GOLGA7B: variants seen among roughly 807,000 people sequenced by gnomAD.
GOLGA7B encodes golgin A7 family member B, also known as golgin subfamily A member 7B.
GOLGA7B carries 17 observed loss-of-function variants against 21.5 expected under a neutral mutation model. That is an observed-to-expected ratio of 0.79 (90% CI 0.54 to 1.19). The LOEUF is 1.19. Ranked by LOEUF, GOLGA7B falls within the 50% of genes most tolerant of loss-of-function variation. The pLI is 0.00. For synonymous variants in GOLGA7B, 87 were observed against 84.0 expected, an observed-to-expected ratio of 1.04 and a Z score of -0.19; for missense variants, 169 against 224.4, an observed-to-expected ratio of 0.75 and a Z score of 1.58.
rs556487533 is a variant in GOLGA7B at position 97,859,345 on chromosome 10, G to A, written c.13-113G>A. The A allele has an allele frequency of 4.3e-5, 46 of 1,074,692 alleles. 2 individuals carry two copies. The South Asian group carries it at 6.8e-4, about 16-fold the overall frequency. The allele number at this position is 1,074,692 out of a possible 1,614,324, so 66.6% of individuals were successfully genotyped here. ...GTGCCCAGCTTGTCTCTGCATGCTG[G>A]GAACTTTCCTGGTGTTAGTGCTGGA... On this transcript the variant is annotated intron_variant, in intron 1 of 4. Transcript: ENST00000370602.
intron 2 of GOLGA7B, among the ~76,000 whole-genome samples, chr10:97,860,253 G>A (rs536611001): frequency 3.3e-5 from 5 of 152,122 alleles, no homozygotes; most frequent in East Asian, 1.9e-4. Flanking sequence ...CCATTACTTC[G>A]GACATTTATC....
At chr10:97,863,297 A>G (rs1295912599) in intron 2 of GOLGA7B, among the ~76,000 whole-genome samples, 1 of 152,184 alleles carries the variant, frequency 6.6e-6, no homozygotes, top group Non-Finnish European at 1.5e-5. Flanking sequence ...GAAAGAGTGC[A>G]TTTCCTGGCA....
At chr10:97,859,001 T>C (rs1361763934) in intron 1 of GOLGA7B, among the ~76,000 whole-genome samples, 1 of 152,246 alleles carries the variant, frequency 6.6e-6, no homozygotes, top group African/African-American at 2.4e-5. Context: ...TGTGTGTGTG[T>C]GTGTGTGCAC....
chr10:97,860,841 C>T (rs981386931), intron 2 of GOLGA7B, among the ~76,000 whole-genome samples: 4 of 152,156 alleles, frequency 2.6e-5, no homozygotes, highest in Non-Finnish European at 2.9e-5. Flanking sequence ...GCTTGCAGGG[C>T]GTCAGCTTGG....
At position 97,868,672 on chromosome 10, in the gene GOLGA7B, G is replaced by C. The variant is rs1205394049; in HGVS notation, c.*2972G>C. ...GAGCGTGTTCTCTAATATGAGGGCA[G>C]GTTCATTCTGTTTTGGGATAGGAAG... On this transcript the variant is annotated 3_prime_UTR_variant, in exon 5 of 5. Transcript: ENST00000370602. 2 of 152,198 alleles carry C rather than the reference G, an allele frequency of 1.3e-5. No individual in the cohort carries two copies. Among genetic ancestry groups the C allele is most frequent in the Non-Finnish European group, 2.9e-5 (2 of 68,042 alleles). 9.4% of individuals were successfully genotyped at this position (152,198 alleles called of 1,614,324 possible).
intron 2 of GOLGA7B, among the ~76,000 whole-genome samples, chr10:97,860,904 C>T (rs2136516631): frequency 6.6e-6 from 1 of 152,282 alleles, no homozygotes; most frequent in South Asian, 2.1e-4. Flanking sequence ...TCCCCCTTCC[C>T]AGACCATTGA....
chr10:97,863,017 C>A (rs1045746734), intron 2 of GOLGA7B, among the ~76,000 whole-genome samples: 2 of 152,106 alleles, frequency 1.3e-5, no homozygotes, highest in African/African-American at 4.8e-5. Context: ...GAGGGCCTAG[C>A]GGGCATTGTA....
intron 2 of GOLGA7B, among the ~76,000 whole-genome samples, chr10:97,861,912 T>G (rs990391596): frequency 6.6e-6 from 1 of 152,212 alleles, no homozygotes; most frequent in African/African-American, 2.4e-5. Flanking sequence ...CAGGTCTGTG[T>G]AGGGGGAACT....
At chr10:97,852,452 C>T (rs990771907) in intron 1 of GOLGA7B, among the ~76,000 whole-genome samples, 3 of 152,054 alleles carry the variant, frequency 2.0e-5, no homozygotes, top group Non-Finnish European at 4.4e-5. Flanking sequence ...CTTGGGTGGA[C>T]TCTGATGGCA....
chr10:97,856,653 A>G (rs571727461), intron 1 of GOLGA7B, among the ~76,000 whole-genome samples: 9 of 152,318 alleles, frequency 5.9e-5, no homozygotes. Flanking sequence ...TTATTTAAGA[A>G]ATCTTCATAC....
chr10:97,866,008 G>A lies in GOLGA7B; in HGVS notation c.*308G>A, dbSNP rs2050019204. On this transcript the variant is annotated 3_prime_UTR_variant, in exon 5 of 5. Transcript: ENST00000370602. Reference sequence around the variant, plus strand: ...GGGGTGGGGAGAACACAACCTAGGCGGCCCCTCTCTTCCACAGCCCCTCTC... The same window carrying A: ...GGGGTGGGGAGAACACAACCTAGGCAGCCCCTCTCTTCCACAGCCCCTCTC... 2.6e-6 allele frequency: 1 copy of A among 388,170 alleles called. No individual in the cohort carries two copies. The highest frequency in any genetic ancestry group is 4.6e-6 in the Non-Finnish European group (1 of 216,848). 24.0% of individuals were successfully genotyped at this position (388,170 alleles called of 1,614,324 possible).
At chr10:97,850,406 G>A in intron 1 of GOLGA7B, 91 bp downstream of exon 1, 2 of 1,006,210 alleles carry the variant, frequency 2.0e-6, no homozygotes, top group Non-Finnish European at 2.9e-6. Flanking sequence ...GGAGGCGGGA[G>A]TTGGGGGTGG....
chr10:97,864,653 C>T (rs1325305072), intron 4 of GOLGA7B, among the ~76,000 whole-genome samples: 22 of 152,220 alleles, frequency 1.4e-4, no homozygotes, highest in Admixed American at 1.4e-3. Flanking sequence ...TCACCCTTAA[C>T]TACAAAGACC....
Position 97,870,082 on chromosome 10 carries a change from T to G in GOLGA7B, c.*4382T>G, listed in dbSNP as rs61547193. ...CACAGAGTTGTTTAGACCCGAGGCG[T>G]TCAACCTTGGTGGCAATGGATGTCA... On this transcript the variant is annotated 3_prime_UTR_variant, in exon 5 of 5. Transcript: ENST00000370602. 0.09 allele frequency: 13,715 copies of G among 152,210 alleles called. 1,022 individuals carry two copies. Among genetic ancestry groups the G allele is most frequent in the African/African-American group, 0.2 (8,306 of 41,492 alleles). 9.4% of individuals were successfully genotyped at this position (152,210 alleles called of 1,614,324 possible).
chr10:97,858,614 A>G (rs779814651), intron 1 of GOLGA7B, among the ~76,000 whole-genome samples: 10 of 152,270 alleles, frequency 6.6e-5, no homozygotes, highest in Non-Finnish European at 1.5e-4. Flanking sequence ...AGGGACAGAT[A>G]TCTCCCCTCT....
At chr10:97,865,525 G>A (rs375102264) in intron 4 of GOLGA7B, 65 bp from the exon 5 acceptor site, 44 of 1,587,996 alleles carry the variant, frequency 2.8e-5, no homozygotes, top group Middle Eastern at 1.7e-4. Context: ...GACTCCATCC[G>A]CTGGTTCATG....
rs2049898134 is a variant in GOLGA7B, at chr10:97,850,436, T to G, written c.12+121T>G. Reference sequence around the variant, plus strand: ...GGGTGGGATGGGGTGATTCCCCAGGTCAGGTCTGGAGGGAGGAGGTAGGGG... The same window carrying G: ...GGGTGGGATGGGGTGATTCCCCAGGGCAGGTCTGGAGGGAGGAGGTAGGGG... On this transcript the variant is annotated intron_variant, in intron 1 of 4. Coordinates refer to ENST00000370602, the MANE Select transcript of GOLGA7B (RefSeq NM_001010917.3). 4 of 840,150 alleles carry G rather than the reference T, an allele frequency of 4.8e-6. No homozygotes were observed. The South Asian group carries it at 7.6e-5, about 16-fold the overall frequency. The allele number at this position is 840,150 out of a possible 1,614,324, so 52.0% of individuals were successfully genotyped here. A position where few individuals can be genotyped will look rare whatever the true frequency, so the allele number is the denominator to read the frequency against.
intron 1 of GOLGA7B, among the ~76,000 whole-genome samples, chr10:97,851,096 A>C (rs917524164): frequency 1.3e-5 from 2 of 151,968 alleles, no homozygotes; most frequent in Non-Finnish European, 2.9e-5. Context: ...TGGGCTCTTT[A>C]TGTTCCCACT....
intron 3 of GOLGA7B, 38 bp downstream of exon 3, chr10:97,864,120 G>C: frequency 6.2e-7 from 1 of 1,614,094 alleles, no homozygotes; most frequent in Non-Finnish European, 8.5e-7. Context: ...CCTTCCCTCA[G>C]GGCTGCCCTG....
Sources: allele counts gnomAD v4.1 joint callset (sites outside exome capture counted in the v4.1 genomes callset), GRCh38; gene constraint gnomAD v4.1.1; transcripts MANE v1.5; gene names NCBI Gene and HGNC (gene_info 2026-07-23, HGNC 2026-07-21).